Variants in PLEC observed in about 807,000 individuals in gnomAD.
PLEC encodes hemidesmosomal protein 1.
In PLEC, 216 loss-of-function variants were observed where a neutral mutation model predicts 392.8. That is an observed-to-expected ratio of 0.55 (90% CI 0.49 to 0.62). PLEC has a LOEUF of 0.62. PLEC is among the 20% of genes least tolerant of loss of function. The probability of loss-of-function intolerance (pLI) is 0.00; values close to 1 mark genes in which losing one functional copy is unlikely to be tolerated. For synonymous variants in PLEC, 3,621 were observed against 2,980.6 expected (o/e 1.21, Z -7.00); for missense variants, 6,863 against 6,563.4 (o/e 1.05, Z -1.58).
chr8:143,921,474 C>G lies in PLEC; in HGVS notation c.8347G>C (p.Gly2783Arg). ...AVTGYKDPYT[G>R]QQISLFQAMQ... ...GCTTGGAAGAGAGAGATCTGCTGGCCAGTGTAGGGGTCCTTGTAGCCAGTG... is the reference window on the plus strand; with the variant it reads ...GCTTGGAAGAGAGAGATCTGCTGGCGAGTGTAGGGGTCCTTGTAGCCAGTG... The change falls in exon 32 of 32, where the codon GGC becomes CGC. Residue 2783 changes from glycine to arginine, a missense_variant. By Grantham distance (125) the Gly-to-Arg change is moderately radical. Transcript: ENST00000345136. 6.2e-7 allele frequency: 1 copy of G among 1,613,190 alleles called. No individual in the cohort carries two copies. The highest frequency in any genetic ancestry group is 8.5e-7 in the Non-Finnish European group (1 of 1,179,834).
In PLEC at chr8:143,920,249, G is replaced by A. The variant is rs1554681137; in HGVS notation, c.9572C>T (p.Thr3191Ile). Residue 3191 changes from threonine to isoleucine, a missense_variant, in exon 32 of 32, where the codon ACC becomes ATC. Thr to Ile is a moderately conservative substitution (Grantham distance 89, BLOSUM62 -1). Coordinates refer to ENST00000345136, the MANE Select transcript of PLEC (RefSeq NM_201384.3). ...YSDPSTGEPA[T>I]YGELQQRCRP... ...GCACCGCTGCTGGAGCTCGCCGTAG[G>A]TGGCCGGCTCCCCTGTGCTGGGGTC... is the stretch of plus-strand genomic sequence containing the variant. 2 of 1,599,832 alleles carry A rather than the reference G, an allele frequency of 1.3e-6. No individual in the cohort carries two copies. Among genetic ancestry groups the A allele is most frequent in the East Asian group, 2.2e-5 (1 of 44,678 alleles).
Position 143,932,140 on chromosome 8 carries a change from G to A in PLEC, c.2072C>T (p.Pro691Leu), listed in dbSNP as rs1554716385. 6 of 1,610,256 alleles carry A rather than the reference G, an allele frequency of 3.7e-6. No homozygotes were observed. Among genetic ancestry groups the A allele is most frequent in the Admixed American group, 1.7e-5 (1 of 59,956 alleles). ...CCCAGGGAGCCCCACCTCCACCGTG[G>A]GCCGGGCCGGGTGGTCCTCCCGCAG... ...RLLREDHPAR[P>L]TVESFQAALQ... Residue 691 changes from proline (P) to leucine (L), a missense_variant, in exon 17 of 32, where the codon CCC becomes CTC. Pro to Leu is a moderately conservative substitution (Grantham distance 98). Coordinates refer to ENST00000345136, the MANE Select transcript of PLEC (RefSeq NM_201384.3).
chr8:143,938,896 G>A (rs1276582477), intron 1 of PLEC, among the ~76,000 whole-genome samples: 3 of 151,972 alleles, frequency 2.0e-5, no homozygotes, highest in Admixed American at 6.6e-5. Context: ...GGGCCCAGGC[G>A]CCACCAGGTG....
Position 143,924,080 on chromosome 8 carries a change from C to T in PLEC, c.5849G>A (p.Arg1950His), listed in dbSNP as rs782270360. The T allele has an allele frequency of 1.0e-5, 16 of 1,597,866 alleles. 1 individual carries two copies. Among genetic ancestry groups the T allele is most frequent in the South Asian group, 4.4e-5 (4 of 90,920 alleles). ...GKAELELELG[R>H]IRSNAEDTLR... ...CGTGTCCTCCGCGTTGCTGCGGATG[C>T]GTCCCAGCTCCAGCTCCAGCTCCGC... Residue 1950 changes from arginine (R) to histidine (H), a missense_variant, in exon 31 of 32, where the codon CGC (arginine) becomes CAC (histidine). Transcript: ENST00000345136.
intron 2 of PLEC, 71 bp downstream of exon 2, chr8:143,938,560 C>T: frequency 1.5e-5 from 23 of 1,566,650 alleles, no homozygotes; most frequent in Non-Finnish European, 1.9e-5. Flanking sequence ...CCTTGGGCGG[C>T]AGGGGCCACC....
rs781838188 is a variant in PLEC at position 143,919,602 on chromosome 8, G to A, written c.10219C>T (p.Leu3407=). Reference sequence around the variant, plus strand: ...GCCTTCACGGCCTCGTGGACATACAGGCGCTGGTTCCGCACGGGGTCCACC... The same window carrying A: ...GCCTTCACGGCCTCGTGGACATACAAGCGCTGGTTCCGCACGGGGTCCACC... ...FLVDPVRNQR[L]YVHEAVKAGV... The change falls in exon 32 of 32, where the codon CTG becomes TTG. Residue 3407 remains leucine, a synonymous_variant. Transcript: ENST00000345136. The A allele has an allele frequency of 6.3e-7, 1 of 1,593,142 alleles. No individual in the cohort carries two copies. The highest frequency in any genetic ancestry group is 1.7e-5 in the Admixed American group (1 of 58,460).
At chr8:143,962,261 G>A (rs1375486715) in intron 1 of PLEC, among the ~76,000 whole-genome samples, 1 of 152,240 alleles carries the variant, frequency 6.6e-6, no homozygotes, top group Admixed American at 6.5e-5. Context: ...GCAGGGATTG[G>A]CATGATGCAG....
rs782101660 is a variant in PLEC, at chr8:143,932,546, G to A, written c.1831C>T (p.Arg611Cys). The A allele has an allele frequency of 7.4e-6, 12 of 1,612,410 alleles. No homozygotes were observed. Among genetic ancestry groups the A allele is most frequent in the Middle Eastern group, 1.6e-4 (1 of 6,084 alleles). Residue 611 changes from arginine to cysteine, a missense_variant, in exon 16 of 32, where the codon CGC becomes TGC. Transcript: ENST00000345136. ...YAKLLNSSKA[R>C]LRSLESLHSF... ...TGCAAGCTCTCCAGGGACCTGAGGC[G>A]GGCCTTGGAGGAGTTCTGTGGGCAG... is the stretch of plus-strand genomic sequence containing the variant.
At chr8:143,951,026 T>TG, upstream of PLEC, 1 of 490,492 alleles carries the variant, frequency 2.0e-6, no homozygotes, top group South Asian at 2.3e-5. Flanking sequence ...CCTTGTAGAG[T>TG]GGGGGGCACC....
intron 1 of PLEC, among the ~76,000 whole-genome samples, chr8:143,947,845 G>T (rs1347611041): frequency 6.6e-6 from 1 of 152,202 alleles, no homozygotes; most frequent in Admixed American, 6.5e-5. Context: ...CTGAAACTCT[G>T]CCACAGGCCC....
At chr8:143,946,595 G>A (rs918625082) in intron 1 of PLEC, 6 of 336,440 alleles carry the variant, frequency 1.8e-5, no homozygotes, top group Non-Finnish European at 2.9e-5. Context: ...CTGCCTGGGG[G>A]TGCAGGGGAC....
chr8:143,968,600 A>C (rs1833247611), intron 1 of PLEC, among the ~76,000 whole-genome samples: 1 of 152,140 alleles, frequency 6.6e-6, no homozygotes, highest in Non-Finnish European at 1.5e-5. Context: ...AATGTTTGCA[A>C]ATCATATTTC....
At position 143,921,773 on chromosome 8, in the gene PLEC, G is replaced by C; in HGVS notation, c.8048C>G (p.Ala2683Gly). The part of the protein sequence containing the change: ...AQGHTTVDEL[A>G]RREDVRHYLQ... The stretch of plus-strand genomic sequence containing the variant: ...GTAGTGGCGCACGTCTTCCCGCCGT[G>C]CGAGCTCGTCCACCGTGGTGTGGCC... The change falls in exon 32 of 32, where the codon GCA becomes GGA. Residue 2683 changes from alanine (A) to glycine (G), a missense_variant. Ala to Gly is a moderately conservative substitution (Grantham distance 60). Transcript: ENST00000345136. The C allele has an allele frequency of 6.2e-7, 1 of 1,611,768 alleles. No individual in the cohort carries two copies. Among genetic ancestry groups the C allele is most frequent in the South Asian group, 1.1e-5 (1 of 91,074 alleles).
At chr8:143,953,671 A>G (rs1489660208), upstream of PLEC, 5 of 1,564,986 alleles carry the variant, frequency 3.2e-6, no homozygotes, top group Non-Finnish European at 4.4e-6. Flanking sequence ...GCACCCAGCC[A>G]GAGGTCACTG....
chr8:143,925,287 C>T lies in PLEC; in HGVS notation c.4642G>A (p.Ala1548Thr). ...LEELRLQAEE[A>T]ERRLRQAEVE... is the part of the protein sequence containing the mutation. ...TCGGCCTGCCGCAGGCGCCGCTCCG[C>T]CTCCTCCGCCTGCAGCCGCAGCTCC... Residue 1548 changes from alanine to threonine, a missense_variant, in exon 31 of 32, where the codon GCG becomes ACG. Transcript: ENST00000345136. 6.3e-7 allele frequency: 1 copy of T among 1,577,812 alleles called. No homozygotes were observed. The highest frequency in any genetic ancestry group is 1.3e-5 in the African/African-American group (1 of 74,256).
At chr8:143,931,796 T>C in intron 18 of PLEC, 137 bp from the exon 19 acceptor site, 1 of 1,463,544 alleles carries the variant, frequency 6.8e-7, no homozygotes, top group Non-Finnish European at 9.3e-7. Flanking sequence ...AGCACCCCTG[T>C]CCAAGGCCCC....
chr8:143,927,896 C>G lies in PLEC; in HGVS notation c.3357G>C (p.Pro1119=). ...TGGCCTCGAGCTCCGGGAGGGTGGCCGGCACGGCCTGGGCCTCCTTGAGCT... is the reference window on the plus strand; with the variant it reads ...TGGCCTCGAGCTCCGGGAGGGTGGCGGGCACGGCCTGGGCCTCCTTGAGCT... ...EEQLKEAQAV[P]ATLPELEATK... The change falls in exon 26 of 32, where the codon CCG becomes CCC. Residue 1119 remains proline, a synonymous_variant. Transcript: ENST00000345136. The G allele has an allele frequency of 6.3e-7, 1 of 1,594,300 alleles. No homozygotes were observed. The highest frequency in any genetic ancestry group is 8.5e-7 in the Non-Finnish European group (1 of 1,171,302).
At chr8:143,934,564 C>A in intron 10 of PLEC, 71 bp downstream of exon 10, 3 of 1,600,806 alleles carry the variant, frequency 1.9e-6, no homozygotes, top group East Asian at 4.5e-5. Flanking sequence ...AGGGCCAGGT[C>A]GGCTCCGGAA....
chr8:143,926,143 G>GA (rs1825101085), intron 30 of PLEC, among the ~76,000 whole-genome samples: 1 of 152,200 alleles, frequency 6.6e-6, no homozygotes. Context: ...AGGCGACGGA[G>GA]ACAGACGGAC....
Sources: allele counts gnomAD v4.1 joint callset (sites outside exome capture counted in the v4.1 genomes callset), GRCh38; gene constraint gnomAD v4.1.1; transcripts MANE v1.5; gene names NCBI Gene and HGNC (gene_info 2026-07-23, HGNC 2026-07-21).